Variants in CFAP47 observed in about 807,000 individuals in gnomAD.
CFAP47 encodes the protein cilia and flagella associated protein 47.
Under a neutral mutation model 148.1 loss-of-function variants are expected in CFAP47, and 29 were observed. The ratio of observed to expected loss-of-function variants is 0.20; its 90% CI spans 0.15 to 0.27. The LOEUF is 0.27. Among genes scored for constraint, CFAP47 ranks in the 10% least tolerant of loss-of-function variants. The pLI is 1.00. For synonymous variants in CFAP47, 664 were observed against 577.3 expected, an observed-to-expected ratio of 1.15 and a Z score of -2.15; for missense variants, 1,872 against 1,697.5, an observed-to-expected ratio of 1.10 and a Z score of -1.81.
In CFAP47 at chrX:36,385,171, T is replaced by A. The variant is rs1352875951; in HGVS notation, c.*165T>A. On this transcript the variant is annotated 3_prime_UTR_variant, in exon 64 of 64. Transcript: ENST00000378653. ...CTCTGAATATATTATACTTCATTTG[T>A]GAGTTATGAATGTTTTTTGGTTGCG... 2.4e-6 allele frequency: 1 copy of A among 411,589 alleles called. No homozygotes were observed. Among genetic ancestry groups the A allele is most frequent in the East Asian group, 4.1e-5 (1 of 24,546 alleles). 33.9% of individuals were successfully genotyped at this position (411,589 alleles called of 1,213,427 possible). A position where few individuals can be genotyped will look rare whatever the true frequency, so the allele number is the denominator to read the frequency against.
At chrX:36,008,625 C>G in intron 21 of CFAP47, among the ~76,000 whole-genome samples, 1 of 109,008 alleles carries the variant, frequency 9.2e-6, no homozygotes, top group Middle Eastern at 4.7e-3. Flanking sequence ...CAAAAAATAG[C>G]CGGGCATGGT....
intron 8 of CFAP47, among the ~76,000 whole-genome samples, chrX:35,957,431 A>G (rs977345261): frequency 3.6e-5 from 4 of 111,480 alleles, no homozygotes; most frequent in Non-Finnish European, 7.5e-5. Flanking sequence ...GCTTTCTTCC[A>G]ATTGCAATTA....
intron 48 of CFAP47, among the ~76,000 whole-genome samples, chrX:36,243,601 G>C (rs968509883): frequency 1.0e-5 from 1 of 98,051 alleles, no homozygotes; most frequent in Non-Finnish European, 2.0e-5. Flanking sequence ...ATTACATTAT[G>C]ATAAAGGGTG....
At chrX:35,968,412 A>G (rs1936440898) in intron 10 of CFAP47, among the ~76,000 whole-genome samples, 1 of 111,687 alleles carries the variant, frequency 9.0e-6, no homozygotes, top group African/African-American at 3.2e-5. Context: ...ATAAATTACT[A>G]ATTTTCCAAT....
intron 57 of CFAP47, among the ~76,000 whole-genome samples, chrX:36,332,661 C>T (rs1226842588): frequency 3.6e-5 from 4 of 111,764 alleles, no homozygotes; most frequent in Non-Finnish European, 7.5e-5. Context: ...GGAATCCCTG[C>T]CTCTATCAAG....
Position 35,924,151 on chromosome X carries a change from G to A in CFAP47, c.250-1866G>A, listed in dbSNP as rs768342627. 2.2e-3 allele frequency among the ~76,000 whole-genome samples: 208 copies of A among 96,160 alleles called. 2 individuals are homozygous for A. Among genetic ancestry groups the A allele is most frequent in the African/African-American group, 8.4e-3 (191 of 22,748 alleles). The allele number at this position is 96,160 out of a possible 115,157, so 83.5% of individuals were successfully genotyped here. A position where few individuals can be genotyped will look rare whatever the true frequency, so the allele number is the denominator to read the frequency against. On this transcript the variant is annotated intron_variant, in intron 1 of 63. Transcript: ENST00000378653. ...TATATGTATATGTGTACATGTATGC[G>A]TACATATATGTATATATGTACATGT...
chrX:35,930,268 T>C (rs903289505), intron 2 of CFAP47, among the ~76,000 whole-genome samples: 6 of 111,882 alleles, frequency 5.4e-5, no homozygotes, highest in Admixed American at 1.9e-4. Flanking sequence ...CTTGCCCTTG[T>C]ATACATGAAA....
At chrX:36,289,533 G>T (rs1941172033) in intron 51 of CFAP47, among the ~76,000 whole-genome samples, 1 of 111,013 alleles carries the variant, frequency 9.0e-6, no homozygotes, top group African/African-American at 3.3e-5. Flanking sequence ...GATGTAGCTA[G>T]GGAGGCTATT....
intron 37 of CFAP47, among the ~76,000 whole-genome samples, chrX:36,150,039 CATGTTGCCA>C (rs1939289568): frequency 9.0e-6 from 1 of 110,692 alleles, no homozygotes; most frequent in African/African-American, 3.3e-5. Context: ...AAGAACTCCC[CATGTTGCCA>C]TTTTTCTCTG....
chrX:36,099,715 A>T (rs769577555), intron 31 of CFAP47, 36 bp from the exon 32 acceptor site: 5 of 662,157 alleles, frequency 7.6e-6, no homozygotes, highest in Non-Finnish European at 1.2e-5. Flanking sequence ...TTTGCCTTAA[A>T]TTTTAATTAA....
intron 29 of CFAP47, among the ~76,000 whole-genome samples, chrX:36,085,000 T>A (rs774753000): frequency 9.0e-6 from 1 of 111,556 alleles, no homozygotes; most frequent in Admixed American, 9.6e-5. Flanking sequence ...CTCACTCAGC[T>A]AGTAGGTGAT....
chrX:35,937,840 A>G (rs757811161), intron 2 of CFAP47, among the ~76,000 whole-genome samples: 41 of 111,251 alleles, frequency 3.7e-4, no homozygotes, highest in African/African-American at 1.3e-3. Flanking sequence ...TGAACCTTCT[A>G]TTTGTTATGG....
intron 2 of CFAP47, among the ~76,000 whole-genome samples, chrX:35,935,809 G>A (rs967777746): frequency 9.0e-6 from 1 of 110,680 alleles, no homozygotes; most frequent in African/African-American, 3.3e-5. Context: ...TTTTCTTTCA[G>A]TACTAGAAAA....
intron 57 of CFAP47, among the ~76,000 whole-genome samples, chrX:36,346,213 G>C (rs1160174722): frequency 9.1e-6 from 1 of 109,859 alleles, no homozygotes; most frequent in Non-Finnish European, 1.9e-5. Context: ...GTTTGTTTCT[G>C]TGTGTGTGTG....
chrX:36,284,074 T>G (rs1941107473), intron 50 of CFAP47, among the ~76,000 whole-genome samples: 1 of 112,192 alleles, frequency 8.9e-6, no homozygotes, highest in Non-Finnish European at 1.9e-5. Context: ...AACTTTGATT[T>G]ATTTTGGGAG....
chrX:36,150,900 A>T (rs1485901121), intron 37 of CFAP47, among the ~76,000 whole-genome samples: 1 of 112,112 alleles, frequency 8.9e-6, no homozygotes, highest in Non-Finnish European at 1.9e-5. Context: ...TAAATTTCTA[A>T]TATGTCTATT....
At chrX:36,213,433 G>A (rs1940124811) in intron 45 of CFAP47, among the ~76,000 whole-genome samples, 1 of 111,525 alleles carries the variant, frequency 9.0e-6, no homozygotes. Context: ...TAGGCCTACT[G>A]AATTATCCTC....
chrX:36,120,045 G>A (rs1938713120), intron 33 of CFAP47, among the ~76,000 whole-genome samples: 1 of 107,885 alleles, frequency 9.3e-6, no homozygotes, highest in South Asian at 4.2e-4. Context: ...GCCCAGGCTG[G>A]AGTGCAGTGG....
intron 24 of CFAP47, among the ~76,000 whole-genome samples, chrX:36,037,502 A>G (rs1328903572): frequency 9.0e-6 from 1 of 110,962 alleles, no homozygotes; most frequent in East Asian, 2.8e-4. Flanking sequence ...AGCTGGGACT[A>G]GAGGCGCACT....
Sources: allele counts gnomAD v4.1 joint callset (sites outside exome capture counted in the v4.1 genomes callset), GRCh38; gene constraint gnomAD v4.1.1; transcripts MANE v1.5; gene names NCBI Gene and HGNC (gene_info 2026-07-23, HGNC 2026-07-21).